Variants in CREM observed in about 807,000 individuals in gnomAD.
CREM encodes cAMP responsive element modulator, also known as cAMP-responsive element modulator.
CREM carries 13 observed loss-of-function variants against 37.3 expected under a neutral mutation model. The ratio of observed to expected loss-of-function variants is 0.35; its 90% CI spans 0.23 to 0.55. The LOEUF (loss-of-function observed/expected upper bound fraction) is 0.55. Ranked by LOEUF, CREM falls within the 20% of genes least tolerant of loss-of-function variation. The pLI is 0.88. For missense variants in CREM, 296 were observed against 362.3 expected, an observed-to-expected ratio of 0.82 and a Z score of 1.49; for synonymous variants, 124 against 120.2, an observed-to-expected ratio of 1.03 and a Z score of -0.21.
chr10:35,165,953 ACTTG>A (rs2093529257), intron 3 of CREM, among the ~76,000 whole-genome samples: 1 of 152,198 alleles, frequency 6.6e-6, no homozygotes, highest in Non-Finnish European at 1.5e-5. Flanking sequence ...GAATTATAAC[ACTTG>A]CTTTGCTTTC....
At chr10:35,147,060 T>G (rs989435740) in intron 2 of CREM, among the ~76,000 whole-genome samples, 1 of 108,354 alleles carries the variant, frequency 9.2e-6, no homozygotes, top group African/African-American at 3.0e-5. Context: ...TTTTTTTTTT[T>G]TTTTTTTTAA....
chr10:35,205,512 C>A (rs2095498496), intron 6 of CREM, among the ~76,000 whole-genome samples: 1 of 152,096 alleles, frequency 6.6e-6, no homozygotes. Flanking sequence ...ATGAGAATTG[C>A]ACTTAAAGAC....
In CREM at chr10:35,211,788, C is replaced by G. The variant is rs777843691; in HGVS notation, c.*390C>G. 5.0e-6 allele frequency: 8 copies of G among 1,607,828 alleles called. No homozygotes were observed. The highest frequency in any genetic ancestry group is 1.7e-6 in the Non-Finnish European group (2 of 1,178,292). On this transcript the variant is annotated 3_prime_UTR_variant, in exon 8 of 8. Coordinates refer to ENST00000685392, the MANE Select transcript of CREM (RefSeq NM_183011.2). ...AAACCTTGAAAGACATTTGTTCTCC[C>G]AAAACAGATTACTAGAAATATTTAA... is the stretch of plus-strand genomic sequence containing the variant.
chr10:35,147,236 G>A lies in CREM; in HGVS notation c.45-1132G>A, dbSNP rs2135947749. On this transcript the variant is annotated intron_variant, in intron 2 of 7. Coordinates refer to ENST00000685392, the MANE Select transcript of CREM (RefSeq NM_183011.2). Reference sequence around the variant, plus strand: ...GCCCGGCTAATTTTTCGTATTTTTAGTAGAGACGGGGTTTCACCGTGTTAG... The same window carrying A: ...GCCCGGCTAATTTTTCGTATTTTTAATAGAGACGGGGTTTCACCGTGTTAG... Among the ~76,000 whole-genome samples the A allele has an allele frequency of 2.0e-5, 3 of 151,818 alleles. No individual in the cohort carries two copies. The South Asian group carries it at 6.2e-4, about 32-fold the overall frequency.
intron 3 of CREM, among the ~76,000 whole-genome samples, chr10:35,155,569 CATT>C (rs2092843668): frequency 6.6e-6 from 1 of 151,730 alleles, no homozygotes; most frequent in Non-Finnish European, 1.5e-5. Context: ...AAAAAAGAAA[CATT>C]AATTTTATAG....
In CREM at chr10:35,188,364, C is replaced by T; in HGVS notation, c.574C>T (p.Pro192Ser). 5 of 1,611,456 alleles carry T rather than the reference C, an allele frequency of 3.1e-6. No individual in the cohort carries two copies. The highest frequency in any genetic ancestry group is 4.2e-6 in the Non-Finnish European group (5 of 1,178,986). The change falls in exon 6 of 8, where the codon CCA (proline) becomes TCA (serine). Residue 192 changes from proline (P) to serine (S), a missense_variant. Around this residue, in one of 2 missense-constraint regions of CREM, gnomAD observed 257 missense variants for 280.2 expected, o/e 0.92. Coordinates refer to ENST00000685392, the MANE Select transcript of CREM (RefSeq NM_183011.2). ...SADGTQQFFV[P>S]GSQVVVQAAT... ...TGATGGCACACAGCAGTTCTTTGTCCCAGGCAGCCAGGTTGTTGTTCAAGG... is the reference window on the plus strand; with the variant it reads ...TGATGGCACACAGCAGTTCTTTGTCTCAGGCAGCCAGGTTGTTGTTCAAGG...
chr10:35,176,045 AT>A (rs1162960235), intron 3 of CREM: 10 of 1,519,666 alleles, frequency 6.6e-6, no homozygotes, highest in South Asian at 6.4e-5. Flanking sequence ...TTCTTGAGCC[AT>A]TTTTTTCCTC....
chr10:35,157,707 C>G (rs1480099463), intron 3 of CREM, among the ~76,000 whole-genome samples: 1 of 150,822 alleles, frequency 6.6e-6, no homozygotes, highest in Non-Finnish European at 1.5e-5. Flanking sequence ...ACTCAAAGTC[C>G]TAGCCAGAGC....
chr10:35,164,773 G>A (rs547856569), intron 3 of CREM, among the ~76,000 whole-genome samples: 1 of 152,332 alleles, frequency 6.6e-6, no homozygotes, highest in East Asian at 1.9e-4. Flanking sequence ...ATACCTGGCT[G>A]GGGCAGTGGC....
At chr10:35,167,670 A>T in intron 3 of CREM, 1 of 1,564,844 alleles carries the variant, frequency 6.4e-7, no homozygotes. Context: ...TGTCAATTGC[A>T]TCATCTTACC....
chr10:35,178,762 T>A (rs2094213623), intron 3 of CREM, 127 bp from the exon 4 acceptor site: 5 of 637,182 alleles, frequency 7.8e-6, no homozygotes, highest in Non-Finnish European at 1.3e-5. Flanking sequence ...TTCACTGTGT[T>A]CTATTGCTCA....
chr10:35,180,424 A>AT (rs2094305069), intron 5 of CREM, among the ~76,000 whole-genome samples: 1 of 152,202 alleles, frequency 6.6e-6, no homozygotes, highest in African/African-American at 2.4e-5. Flanking sequence ...TATAGTCATT[A>AT]TTTTTGTGGA....
chr10:35,207,350 T>C (rs1259080961), intron 7 of CREM, among the ~76,000 whole-genome samples: 1 of 151,452 alleles, frequency 6.6e-6, no homozygotes, highest in Non-Finnish European at 1.5e-5. Context: ...GCCAAGATCG[T>C]GCCACTGCAC....
intron 6 of CREM, among the ~76,000 whole-genome samples, chr10:35,203,677 G>A (rs1025021923): frequency 3.3e-5 from 5 of 152,012 alleles, no homozygotes; most frequent in Admixed American, 1.3e-4. Context: ...GGGTGGCAGC[G>A]TGAGACTCTG....
At chr10:35,206,027 T>TCACGA (rs2095511169) in intron 6 of CREM, among the ~76,000 whole-genome samples, 1 of 151,360 alleles carries the variant, frequency 6.6e-6, no homozygotes, top group Non-Finnish European at 1.5e-5. Context: ...GGTGGGAGGA[T>TCACGA]CACGAGGTCA....
In CREM at chr10:35,186,713, CAT is replaced by C. The variant is rs1346019786; in HGVS notation, c.410-1481_410-1480del. Among the ~76,000 whole-genome samples, 303 of 132,836 alleles carry C rather than the reference CAT, an allele frequency of 2.3e-3. 2 individuals carry two copies. Among genetic ancestry groups the C allele is most frequent in the African/African-American group, 8.1e-3 (287 of 35,636 alleles). 87.1% of individuals were successfully genotyped at this position (132,836 alleles called of 152,430 possible). On this transcript the variant is annotated intron_variant, in intron 5 of 7. Transcript: ENST00000685392. Reference sequence around the variant, plus strand: ...TTAAAAATTTTGGTCATATATACAACATATATAACTATATATAATTATATATA... The same window carrying C: ...TTAAAAATTTTGGTCATATATACAACATATAACTATATATAATTATATATA...
chr10:35,200,482 A>G (rs375059642), intron 6 of CREM, among the ~76,000 whole-genome samples: 3 of 152,212 alleles, frequency 2.0e-5, no homozygotes, highest in Non-Finnish European at 4.4e-5. Flanking sequence ...AGTTAATTCT[A>G]TGTGGTCTAT....
At chr10:35,151,441 C>G (rs2092594163) in intron 3 of CREM, among the ~76,000 whole-genome samples, 1 of 152,174 alleles carries the variant, frequency 6.6e-6, no homozygotes, top group African/African-American at 2.4e-5. Flanking sequence ...CTCACTGCAA[C>G]CTCTGCTCAC....
intron 1 of CREM, among the ~76,000 whole-genome samples, 200 bp from the exon 2 acceptor site, chr10:35,137,582 C>T (rs1426052721): frequency 6.6e-6 from 1 of 151,954 alleles, no homozygotes; most frequent in Non-Finnish European, 1.5e-5. Context: ...GACAAAAAAC[C>T]GTACAGGGCT....
Sources: allele counts gnomAD v4.1 joint callset (sites outside exome capture counted in the v4.1 genomes callset), GRCh38; gene constraint gnomAD v4.1.1; regional missense constraint gnomAD v4.1.1; transcripts MANE v1.5; gene names NCBI Gene and HGNC (gene_info 2026-07-23, HGNC 2026-07-21).